Variants in KCNAB1 observed in about 807,000 individuals in gnomAD.
KCNAB1 encodes potassium voltage-gated channel subfamily A regulatory beta subunit 1.
Under a neutral mutation model 64.6 loss-of-function variants are expected in KCNAB1, and 35 were observed. That is an observed-to-expected ratio of 0.54 (90% CI 0.41 to 0.72). The LOEUF is 0.72. KCNAB1 is among the 30% of genes least tolerant of loss of function. The probability of loss-of-function intolerance (pLI) is 0.00; values close to 1 mark genes in which losing one functional copy is unlikely to be tolerated. For synonymous variants in KCNAB1, 177 were observed against 183.8 expected, an observed-to-expected ratio of 0.96 and a Z score of 0.30; for missense variants, 401 against 512.9, an observed-to-expected ratio of 0.78 and a Z score of 2.11.
intron 1 of KCNAB1, among the ~76,000 whole-genome samples, chr3:156,389,257 G>A (rs1363821662): frequency 1.3e-5 from 2 of 152,156 alleles, no homozygotes; most frequent in African/African-American, 4.8e-5. Context: ...GCAGTGAAAG[G>A]CACAGTCCAA....
In KCNAB1 at chr3:156,143,403, G is replaced by A. The variant is rs141838532; in HGVS notation, c.275+22517G>A. 8.2e-4 allele frequency: 1,306 copies of A among 1,591,478 alleles called. 1 individual carries two copies. The highest frequency in any genetic ancestry group is 1.0e-3 in the Non-Finnish European group (1,226 of 1,168,554). ...CGTTGCAGGAAACCACCAGAGCAGA[G>A]ACGGGCATGGCATACAGGTACTGCT... On this transcript the variant is annotated intron_variant, in intron 1 of 13. Transcript: ENST00000490337.
chr3:156,344,132 C>G (rs1327376001), intron 1 of KCNAB1, among the ~76,000 whole-genome samples: 1 of 152,146 alleles, frequency 6.6e-6, no homozygotes, highest in Non-Finnish European at 1.5e-5. Context: ...CCCACAATGT[C>G]TTTTTATCAG....
chr3:156,449,255 T>A (rs527268535), intron 2 of KCNAB1, among the ~76,000 whole-genome samples: 43 of 152,336 alleles, frequency 2.8e-4, no homozygotes, highest in South Asian at 1.4e-3. Context: ...CTGCTTTGAC[T>A]TGGAATCAGA....
At chr3:156,480,825 A>T (rs12491490) in intron 8 of KCNAB1, among the ~76,000 whole-genome samples, 4 of 152,128 alleles carry the variant, frequency 2.6e-5, no homozygotes, top group Admixed American at 2.6e-4. Context: ...TTGACCACGC[A>T]GGCTTATAAA....
At chr3:156,530,841 T>C (rs975637903) in intron 12 of KCNAB1, among the ~76,000 whole-genome samples, 5 of 151,998 alleles carry the variant, frequency 3.3e-5, no homozygotes, top group African/African-American at 1.2e-4. Context: ...AATGAGACCA[T>C]GAATACAGTG....
chr3:156,288,798 T>C (rs1046604117), intron 1 of KCNAB1, among the ~76,000 whole-genome samples: 1 of 152,228 alleles, frequency 6.6e-6, no homozygotes, highest in South Asian at 2.1e-4. Flanking sequence ...GACATGAATG[T>C]GGGGCAATTA....
rs1712084335 is a variant in KCNAB1, at chr3:156,452,534, T to C, written c.320-365T>C. On this transcript the variant is annotated intron_variant, in intron 2 of 13. Transcript: ENST00000490337. This position sits in a 1 kb window ranked among gnomAD's most constrained non-coding sequence, Gnocchi z 4.6. The stretch of plus-strand genomic sequence containing the variant: ...CCATAACCCAAGGTCTTACCTTCAC[T>C]TTCAGAACATGTGGCTTCTTAGCTC... Among the ~76,000 whole-genome samples, 1 of 152,210 alleles carries C rather than the reference T, an allele frequency of 6.6e-6. No homozygotes were observed. Among genetic ancestry groups the C allele is most frequent in the Non-Finnish European group, 1.5e-5 (1 of 68,034 alleles).
chr3:156,417,732 A>AAAAAAAAAAAAAAAAAAAAG (rs536216164), intron 1 of KCNAB1, among the ~76,000 whole-genome samples: 45 of 152,022 alleles, frequency 3.0e-4, no homozygotes, highest in African/African-American at 1.0e-3. Context: ...AAAAAAAAAA[A>AAAAAAAAAAAAAAAAAAAAG]GCCTGGTGGC....
chr3:156,457,293 C>T, intron 3 of KCNAB1, 160 bp from the exon 4 acceptor site: 1 of 1,436,024 alleles, frequency 7.0e-7, no homozygotes, highest in African/African-American at 1.5e-5. Flanking sequence ...CCTATGGATA[C>T]TGGCTGAGAC....
intron 1 of KCNAB1, among the ~76,000 whole-genome samples, chr3:156,254,100 C>T (rs568945936): frequency 3.3e-5 from 5 of 152,104 alleles, no homozygotes; most frequent in African/African-American, 4.8e-5. Context: ...AGAGAACTTA[C>T]GATTTTTATG....
rs868687244 is a variant in KCNAB1 at position 156,272,635 on chromosome 3, A to G, written c.276-148981A>G. Among the ~76,000 whole-genome samples, 9 of 152,114 alleles carry G rather than the reference A, an allele frequency of 5.9e-5. No individual in the cohort carries two copies. The East Asian group carries it at 1.7e-3, about 29-fold the overall frequency. ...TTCTCCTCTGGCTCAGGGTAGGTTC[A>G]GAAATGCTTTCCAGGAGCCAAGGCC... On this transcript the variant is annotated intron_variant, in intron 1 of 13. Coordinates refer to ENST00000490337, the MANE Select transcript of KCNAB1 (RefSeq NM_172160.3).
At chr3:156,489,584 A>G (rs1183743247) in intron 8 of KCNAB1, among the ~76,000 whole-genome samples, 1 of 152,176 alleles carries the variant, frequency 6.6e-6, no homozygotes, top group Non-Finnish European at 1.5e-5. Context: ...CTAATTTGGA[A>G]AAAAGTAAGG....
chr3:156,184,928 G>A (rs1270724128), intron 1 of KCNAB1, among the ~76,000 whole-genome samples: 1 of 152,154 alleles, frequency 6.6e-6, no homozygotes, highest in Middle Eastern at 3.2e-3. Flanking sequence ...AGTCAATACT[G>A]ATGGAGACCA....
At chr3:156,164,204 G>A (rs1560115264) in intron 1 of KCNAB1, among the ~76,000 whole-genome samples, 1 of 152,162 alleles carries the variant, frequency 6.6e-6, no homozygotes, top group Non-Finnish European at 1.5e-5. Context: ...GTTTAGATGT[G>A]ACTAAATAAG....
intron 2 of KCNAB1, among the ~76,000 whole-genome samples, chr3:156,448,173 T>C (rs1321290786): frequency 6.6e-6 from 1 of 152,258 alleles, no homozygotes; most frequent in Non-Finnish European, 1.5e-5. Context: ...CAAAGAGTTA[T>C]CTTTATACTC....
chr3:156,205,433 T>C (rs904476246), intron 1 of KCNAB1, among the ~76,000 whole-genome samples: 2 of 152,204 alleles, frequency 1.3e-5, no homozygotes, highest in East Asian at 1.9e-4. Flanking sequence ...TCAGGTGTAA[T>C]AGAATTTGAT....
intron 11 of KCNAB1, among the ~76,000 whole-genome samples, chr3:156,520,874 G>T (rs1010864244): frequency 3.9e-5 from 6 of 152,164 alleles, no homozygotes; most frequent in African/African-American, 1.4e-4. Flanking sequence ...ACAGTGTTCA[G>T]AACTGAAATG....
intron 1 of KCNAB1, among the ~76,000 whole-genome samples, chr3:156,388,957 G>A (rs899788717): frequency 7.2e-5 from 11 of 152,232 alleles, no homozygotes; most frequent in Non-Finnish European, 1.5e-4. Context: ...AGTATTGGCA[G>A]ATAAGAGAGA....
Position 156,298,919 on chromosome 3 carries a change from CA to C in KCNAB1, c.276-122693del, listed in dbSNP as rs1229091621. On this transcript the variant is annotated intron_variant, in intron 1 of 13. Coordinates refer to ENST00000490337, the MANE Select transcript of KCNAB1 (RefSeq NM_172160.3). ...GAGTGATTGAGTCTGGAATTCAAGG[CA>C]AAAGTCCTTTAAATTTTCATTTCAA... 2.6e-5 allele frequency among the ~76,000 whole-genome samples: 4 copies of C among 152,154 alleles called. No individual in the cohort carries two copies. The East Asian group carries it at 7.7e-4, about 29-fold the overall frequency.
Sources: gnomAD v4.1 joint callset for allele counts (sites outside exome capture counted in the v4.1 genomes callset) on GRCh38, gnomAD v4.1.1 for gene constraint, Gnocchi (gnomAD v3.1) non-coding constraint, MANE v1.5 for transcripts, NCBI Gene and HGNC (gene_info 2026-07-23, HGNC 2026-07-21) for gene names.